Variants in C17orf107 observed in about 807,000 individuals in gnomAD.
C17orf107 encodes chromosome 17 open reading frame 107.
Under a neutral mutation model 8.9 loss-of-function variants are expected in C17orf107, and 9 were observed. The observed-to-expected ratio is 1.02, with a 90% CI of 0.61 to 1.77. The LOEUF (loss-of-function observed/expected upper bound fraction) is 1.77, where lower values mean the gene tolerates loss of function less well. C17orf107 is among the 40% of genes most tolerant of loss of function. The pLI is 0.00. For missense variants in C17orf107, 281 were observed against 249.0 expected, an observed-to-expected ratio of 1.13 and a Z score of -0.86; for synonymous variants, 139 against 120.3, an observed-to-expected ratio of 1.16 and a Z score of -1.02.
rs1448928130 is a variant in C17orf107, at chr17:4,901,650, A to C, written c.*1117A>C. ...GCTGCGGAGCCAGGGCCGGGAGCCCACCCCAGAAGCTCTGACCTGGGCCCC... is the reference window on the plus strand; with the variant it reads ...GCTGCGGAGCCAGGGCCGGGAGCCCCCCCCAGAAGCTCTGACCTGGGCCCC... On this transcript the variant is annotated 3_prime_UTR_variant, in exon 3 of 3. Coordinates refer to ENST00000381365, the MANE Select transcript of C17orf107 (RefSeq NM_001145536.2). 1.9e-6 allele frequency: 3 copies of C among 1,604,904 alleles called. No individual in the cohort carries two copies. Among genetic ancestry groups the C allele is most frequent in the African/African-American group, 2.7e-5 (2 of 74,728 alleles).
chr17:4,901,302 A>C lies in C17orf107; in HGVS notation c.*769A>C. ...TGCACCAGGGTCATGGGCCGTCAGG[A>C]TGGGGGCAATTACGGACAGAAAAGG... On this transcript the variant is annotated 3_prime_UTR_variant, in exon 3 of 3. Transcript: ENST00000381365. 4.1e-6 allele frequency: 5 copies of C among 1,224,542 alleles called. No individual in the cohort carries two copies. The highest frequency in any genetic ancestry group is 5.8e-6 in the Non-Finnish European group (5 of 857,238). 75.9% of individuals were successfully genotyped at this position (1,224,542 alleles called of 1,614,324 possible). A position where few individuals can be genotyped will look rare whatever the true frequency, so the allele number is the denominator to read the frequency against.
Position 4,901,261 on chromosome 17 carries a change from G to A in C17orf107, c.*728G>A. ...CGCCGAGCTGACAGCGGGCTGAAGA[G>A]GAGGCTGCGGCTGTCTGCACCAGGG... On this transcript the variant is annotated 3_prime_UTR_variant, in exon 3 of 3. Coordinates refer to ENST00000381365, the MANE Select transcript of C17orf107 (RefSeq NM_001145536.2). 2 of 1,537,442 alleles carry A rather than the reference G, an allele frequency of 1.3e-6. No homozygotes were observed. The highest frequency in any genetic ancestry group is 1.8e-6 in the Non-Finnish European group (2 of 1,130,756).
Position 4,902,557 on chromosome 17 carries a change from A to G in C17orf107, c.*2024A>G. On this transcript the variant is annotated 3_prime_UTR_variant, in exon 3 of 3. Transcript: ENST00000381365. This position sits in a 1 kb window ranked among gnomAD's most constrained non-coding sequence, Gnocchi z 4.0. ...CAGGGCCAGAAGTGAGCTTTAGGAC[A>G]GAGCTCAGCGGTTGGGGCCAGAAGT... is the stretch of plus-strand genomic sequence containing the variant. The G allele has an allele frequency of 6.2e-7, 1 of 1,613,578 alleles. No homozygotes were observed.
Position 4,900,577 on chromosome 17 carries a change from C to T in C17orf107, c.*44C>T, listed in dbSNP as rs1380505191. 6.5e-7 allele frequency: 1 copy of T among 1,548,178 alleles called. No individual in the cohort carries two copies. Among genetic ancestry groups the T allele is most frequent in the Non-Finnish European group, 8.7e-7 (1 of 1,145,536 alleles). ...CTAGGGAGGCACTGAGCCGGACTGT[C>T]CCCCAAGAGAGCTACTCGGGAGACC... On this transcript the variant is annotated 3_prime_UTR_variant, in exon 3 of 3. Coordinates refer to ENST00000381365, the MANE Select transcript of C17orf107 (RefSeq NM_001145536.2).
rs1969983125 is a variant in C17orf107, at chr17:4,901,506, G to A, written c.*973G>A. 4 of 1,611,768 alleles carry A rather than the reference G, an allele frequency of 2.5e-6. No homozygotes were observed. The highest frequency in any genetic ancestry group is 3.4e-6 in the Non-Finnish European group (4 of 1,177,962). Reference sequence around the variant, plus strand: ...ACCCCGTCTAGAAGCGGGTTTTTCTGAGCAGGCAGGGGCTTCACCAGTATA... The same window carrying A: ...ACCCCGTCTAGAAGCGGGTTTTTCTAAGCAGGCAGGGGCTTCACCAGTATA... On this transcript the variant is annotated 3_prime_UTR_variant, in exon 3 of 3. Transcript: ENST00000381365.
downstream of C17orf107, among the ~76,000 whole-genome samples, chr17:4,904,353 A>G (rs928662667): frequency 1.5e-4 from 23 of 151,900 alleles, no homozygotes; most frequent in Admixed American, 1.4e-3. Context: ...GTGAGCCACC[A>G]CGCCCGGCCT....
At position 4,901,878 on chromosome 17, in the gene C17orf107, C is replaced by CCGA; in HGVS notation, c.*1345_*1346insCGA. 2.0e-6 allele frequency: 3 copies of CCGA among 1,475,984 alleles called. No individual in the cohort carries two copies. Among genetic ancestry groups the CCGA allele is most frequent in the Non-Finnish European group, 2.8e-6 (3 of 1,061,810 alleles). 91.4% of individuals were successfully genotyped at this position (1,475,984 alleles called of 1,614,324 possible). ...CGGTGCTTCCCGGTTGGCCCCGCCC[C>CCGA]ATAAGGCCCCCCCCCAACAATAATC... is the stretch of plus-strand genomic sequence containing the variant. On this transcript the variant is annotated 3_prime_UTR_variant, in exon 3 of 3. Transcript: ENST00000381365.
In C17orf107 at chr17:4,902,251, G is replaced by A. The variant is rs1464207636; in HGVS notation, c.*1718G>A. The A allele has an allele frequency of 6.2e-7, 1 of 1,614,148 alleles. No individual in the cohort carries two copies. The highest frequency in any genetic ancestry group is 2.2e-5 in the East Asian group (1 of 44,850). ...AGCACAATCTCTGGCAGCCACACGAGTTCTGAAGGGACTCGCAGGGTTTCT... is the reference window on the plus strand; with the variant it reads ...AGCACAATCTCTGGCAGCCACACGAATTCTGAAGGGACTCGCAGGGTTTCT... On this transcript the variant is annotated 3_prime_UTR_variant, in exon 3 of 3. Transcript: ENST00000381365. The surrounding 1 kb of genome is among the most constrained non-coding windows in gnomAD (Gnocchi z 4.0).
Position 4,902,507 on chromosome 17 carries a change from G to C in C17orf107, c.*1974G>C, listed in dbSNP as rs369898827. The C allele has an allele frequency of 1.2e-6, 2 of 1,614,202 alleles. No individual in the cohort carries two copies. Among genetic ancestry groups the C allele is most frequent in the Non-Finnish European group, 1.7e-6 (2 of 1,180,044 alleles). ...CCTCTTTTTCATTCTGCAGATGGGA[G>C]ATGGGGATGATTGAAGTGAGATTTC... On this transcript the variant is annotated 3_prime_UTR_variant, in exon 3 of 3. Coordinates refer to ENST00000381365, the MANE Select transcript of C17orf107 (RefSeq NM_001145536.2). This position sits in a 1 kb window ranked among gnomAD's most constrained non-coding sequence, Gnocchi z 4.0.
chr17:4,901,341 G>A lies in C17orf107; in HGVS notation c.*808G>A, dbSNP rs954782944. On this transcript the variant is annotated 3_prime_UTR_variant, in exon 3 of 3. Coordinates refer to ENST00000381365, the MANE Select transcript of C17orf107 (RefSeq NM_001145536.2). ...GGACAGAAAAGGGCATTCTCGTTGA[G>A]GGTATGGAAAGCCAGAAGGCAGGAC... The A allele has an allele frequency of 5.1e-6, 5 of 989,952 alleles. No homozygotes were observed. Among genetic ancestry groups the A allele is most frequent in the Non-Finnish European group, 7.7e-6 (5 of 645,848 alleles). The allele number at this position is 989,952 out of a possible 1,614,324, so 61.3% of individuals were successfully genotyped here. A position where few individuals can be genotyped will look rare whatever the true frequency, so the allele number is the denominator to read the frequency against.
Position 4,900,644 on chromosome 17 carries a change from G to C in C17orf107, c.*111G>C. Reference sequence around the variant, plus strand: ...CAGCAGTGAGGAGGACGGCGGACCAGGGACTCCATCCCCGTACCAGCCCCA... The same window carrying C: ...CAGCAGTGAGGAGGACGGCGGACCACGGACTCCATCCCCGTACCAGCCCCA... On this transcript the variant is annotated 3_prime_UTR_variant, in exon 3 of 3. Transcript: ENST00000381365. The C allele has an allele frequency of 6.8e-7, 1 of 1,460,622 alleles. No homozygotes were observed. The highest frequency in any genetic ancestry group is 9.3e-7 in the Non-Finnish European group (1 of 1,073,276). 90.5% of individuals were successfully genotyped at this position (1,460,622 alleles called of 1,614,324 possible).
chr17:4,901,724 C>T lies in C17orf107; in HGVS notation c.*1191C>T, dbSNP rs1969992109. The stretch of plus-strand genomic sequence containing the variant: ...CTGGGATCTAGCGGGGCCGCGATCC[C>T]AAGCCCACCCCTTCACCCAAGCCCA... On this transcript the variant is annotated 3_prime_UTR_variant, in exon 3 of 3. Transcript: ENST00000381365. 3.8e-6 allele frequency: 5 copies of T among 1,325,140 alleles called. No individual in the cohort carries two copies. Among genetic ancestry groups the T allele is most frequent in the African/African-American group, 1.4e-5 (1 of 69,132 alleles). The allele number at this position is 1,325,140 out of a possible 1,614,324, so 82.1% of individuals were successfully genotyped here.
At chr17:4,904,030 G>T (rs1318751839), downstream of C17orf107, among the ~76,000 whole-genome samples, 1 of 151,622 alleles carries the variant, frequency 6.6e-6, no homozygotes. Flanking sequence ...GCTAATTTTT[G>T]TATTTTTTAG....
rs1268022907 is a variant in C17orf107, at chr17:4,901,907, C to T, written c.*1374C>T. 6 of 1,512,346 alleles carry T rather than the reference C, an allele frequency of 4.0e-6. No homozygotes were observed. Among genetic ancestry groups the T allele is most frequent in the African/African-American group, 2.8e-5 (2 of 71,264 alleles). The allele number at this position is 1,512,346 out of a possible 1,614,324, so 93.7% of individuals were successfully genotyped here. ...AGGCCCCCCCCCAACAATAATCGTC[C>T]GGGCCTCGGAGTAGCTCTTCCCACC... On this transcript the variant is annotated 3_prime_UTR_variant, in exon 3 of 3. Transcript: ENST00000381365.
downstream of C17orf107, among the ~76,000 whole-genome samples, chr17:4,903,907 G>C (rs1037160602): frequency 6.6e-6 from 1 of 152,204 alleles, no homozygotes; most frequent in Non-Finnish European, 1.5e-5. Flanking sequence ...GCCCAGACTG[G>C]AGTGCAGTGG....
rs1969940397 is a variant in C17orf107, at chr17:4,900,352, A to AG, written c.397dup (p.Val133GlyfsTer110). The AG allele has an allele frequency of 6.5e-7, 1 of 1,547,880 alleles. No homozygotes were observed. The highest frequency in any genetic ancestry group is 8.7e-7 in the Non-Finnish European group (1 of 1,146,388). On this transcript the variant is annotated frameshift_variant, in exon 3 of 3. Transcript: ENST00000381365. LOFTEE classifies it low-confidence loss of function (END_TRUNC). ...AGCCGGGTAGCCCAAGCCGCAGGGC[A>AG]GGGGGTTCGGCAAGCTGGGGCTGCG...
rs946795759 is a variant in C17orf107 at position 4,900,420 on chromosome 17, T to G, written c.460T>G (p.Cys154Gly). The change falls in exon 3 of 3, where the codon TGC (cysteine) becomes GGC (glycine). Residue 154 changes from cysteine to glycine, a missense_variant. Physicochemically the swap from Cys to Gly is radical, Grantham distance 159 (BLOSUM62 -3). Transcript: ENST00000381365. ...ARLLVQGAWL[C>G]LCGRGLQGSA... ...GCTCCTAGTCCAGGGAGCATGGCTA[T>G]GCCTGTGTGGACGGGGTCTGCAGGG... is the stretch of plus-strand genomic sequence containing the variant. The G allele has an allele frequency of 1.3e-6, 2 of 1,550,844 alleles. No individual in the cohort carries two copies. Among genetic ancestry groups the G allele is most frequent in the African/African-American group, 2.7e-5 (2 of 73,070 alleles).
chr17:4,900,174 G>T, intron 2 of C17orf107, 29 bp downstream of exon 2: 1 of 1,545,602 alleles, frequency 6.5e-7, no homozygotes, highest in Admixed American at 2.0e-5. Context: ...TAGGATACGC[G>T]GCGATCGGGT....
chr17:4,899,608 C>A lies in C17orf107; in HGVS notation c.-155C>A, dbSNP rs1260792460. 6.6e-7 allele frequency: 1 copy of A among 1,518,986 alleles called. No individual in the cohort carries two copies. The highest frequency in any genetic ancestry group is 9.0e-7 in the Non-Finnish European group (1 of 1,115,264). 94.1% of individuals were successfully genotyped at this position (1,518,986 alleles called of 1,614,324 possible). A position where few individuals can be genotyped will look rare whatever the true frequency, so the allele number is the denominator to read the frequency against. The stretch of plus-strand genomic sequence containing the variant: ...CTGAGGAGCCCGGAAGGCATGACAT[C>A]ACCGTTCCTCCTCCCAGCTACCGAA... On this transcript the variant is annotated 5_prime_UTR_variant, in exon 1 of 3. The change creates a premature stop within an existing upstream ORF in the 5' untranslated region. Coordinates refer to ENST00000381365, the MANE Select transcript of C17orf107 (RefSeq NM_001145536.2).
Sources: gnomAD v4.1 joint callset for allele counts (sites outside exome capture counted in the v4.1 genomes callset) on GRCh38, gnomAD v4.1.1 for gene constraint, Gnocchi (gnomAD v3.1) non-coding constraint, MANE v1.5 for transcripts, NCBI Gene and HGNC (gene_info 2026-07-23, HGNC 2026-07-21) for gene names.